SMG6: variants seen among roughly 807,000 people sequenced by gnomAD.
SMG6 encodes telomerase-binding protein EST1A.
SMG6 carries 66 observed loss-of-function variants against 142.2 expected under a neutral mutation model. That is an observed-to-expected ratio of 0.46 (90% CI 0.38 to 0.57). SMG6 has a LOEUF of 0.57. Among genes scored for constraint, SMG6 ranks in the 20% least tolerant of loss-of-function variants. The pLI is 0.00. For missense variants in SMG6, 1,793 were observed against 1,832.0 expected, an observed-to-expected ratio of 0.98 and a Z score of 0.39; for synonymous variants, 779 against 702.4, an observed-to-expected ratio of 1.11 and a Z score of -1.72.
At chr17:2,171,382 T>TAC in intron 13 of SMG6, among the ~76,000 whole-genome samples, 1 of 149,134 alleles carries the variant, frequency 6.7e-6, no homozygotes, top group East Asian at 1.9e-4. Flanking sequence ...TGTGTGTGTG[T>TAC]ACTATAAATT....
chr17:2,190,729 G>A (rs1439372390), intron 10 of SMG6, among the ~76,000 whole-genome samples: 1 of 151,898 alleles, frequency 6.6e-6, no homozygotes, highest in Non-Finnish European at 1.5e-5. Flanking sequence ...TCCCAGGGCA[G>A]CAGCTAGAAG....
At chr17:2,082,084 C>T in intron 14 of SMG6, 128 bp from the exon 15 acceptor site, 1 of 936,410 alleles carries the variant, frequency 1.1e-6, no homozygotes, top group Non-Finnish European at 1.6e-6. Context: ...GCAAAGGGTC[C>T]CCTGGTGTGT....
intron 6 of SMG6, among the ~76,000 whole-genome samples, chr17:2,290,465 T>G (rs753173483): frequency 1.4e-4 from 21 of 152,198 alleles, no homozygotes; most frequent in Non-Finnish European, 2.8e-4. Flanking sequence ...TAACTCAAAA[T>G]GTATTACAGA....
At chr17:2,164,820 C>T (rs761903073) in intron 13 of SMG6, among the ~76,000 whole-genome samples, 2 of 152,036 alleles carry the variant, frequency 1.3e-5, no homozygotes, top group Non-Finnish European at 2.9e-5. Context: ...GCCTGTAGTC[C>T]CAGCTACTCC....
intron 13 of SMG6, among the ~76,000 whole-genome samples, chr17:2,091,819 C>T (rs1285613964): frequency 1.1e-4 from 17 of 149,156 alleles, no homozygotes; most frequent in African/African-American, 2.0e-4. Flanking sequence ...TACAGGCACC[C>T]GCCACCACGC....
At chr17:2,263,364 C>G (rs1302317590) in intron 8 of SMG6, among the ~76,000 whole-genome samples, 1 of 152,084 alleles carries the variant, frequency 6.6e-6, no homozygotes, top group Non-Finnish European at 1.5e-5. Context: ...CACTCAAGTA[C>G]AAATCAGTAA....
intron 13 of SMG6, among the ~76,000 whole-genome samples, chr17:2,133,805 A>G (rs958234383): frequency 1.3e-5 from 2 of 152,220 alleles, no homozygotes; most frequent in African/African-American, 4.8e-5. Flanking sequence ...ACTTTTACGT[A>G]AAACCTTGAA....
At chr17:2,112,463 G>A (rs570567954) in intron 13 of SMG6, among the ~76,000 whole-genome samples, 24 of 151,150 alleles carry the variant, frequency 1.6e-4, no homozygotes, top group East Asian at 7.8e-4. Flanking sequence ...AGCCGAGATC[G>A]TGCCACTGCA....
At chr17:2,232,679 G>C (rs1274685607) in intron 10 of SMG6, 1 of 152,098 alleles carries the variant, frequency 6.6e-6, no homozygotes, top group Non-Finnish European at 1.5e-5. Context: ...ACTCTGCATA[G>C]GGCCCAACCG....
At chr17:2,248,549 C>G (rs565827250) in intron 8 of SMG6, among the ~76,000 whole-genome samples, 1 of 152,146 alleles carries the variant, frequency 6.6e-6, no homozygotes, top group African/African-American at 2.4e-5. Context: ...TTGCCACTAC[C>G]GTATTTTAAC....
intron 10 of SMG6, among the ~76,000 whole-genome samples, chr17:2,234,421 G>A (rs1241746529): frequency 3.3e-5 from 5 of 150,454 alleles, no homozygotes; most frequent in African/African-American, 7.3e-5. Context: ...ACCACCAAGC[G>A]CAGCTAATTT....
chr17:2,238,218 TGG>T (rs914924526), intron 9 of SMG6, among the ~76,000 whole-genome samples: 3 of 152,234 alleles, frequency 2.0e-5, no homozygotes, highest in Non-Finnish European at 2.9e-5. Flanking sequence ...GCCACAGTTA[TGG>T]GTCAATTACA....
chr17:2,250,425 T>C, intron 8 of SMG6, among the ~76,000 whole-genome samples: 1 of 151,874 alleles, frequency 6.6e-6, no homozygotes, highest in East Asian at 1.9e-4. Flanking sequence ...TCTCACTCTG[T>C]CACCCAGACT....
chr17:2,268,959 C>A (rs1307719802), intron 8 of SMG6, among the ~76,000 whole-genome samples: 1 of 148,470 alleles, frequency 6.7e-6, no homozygotes, highest in East Asian at 2.0e-4. Flanking sequence ...AATCCCAGCA[C>A]TTTGGGAGGC....
At chr17:2,173,845 C>CTTTTTT (rs35215989) in intron 12 of SMG6, among the ~76,000 whole-genome samples, 1 of 74,804 alleles carries the variant, frequency 1.3e-5, no homozygotes, top group African/African-American at 5.1e-5. Context: ...ATCCATAAAG[C>CTTTTTT]TTTTTTTTTT....
intron 10 of SMG6, among the ~76,000 whole-genome samples, chr17:2,212,897 T>A (rs1187270157): frequency 6.6e-6 from 1 of 152,250 alleles, no homozygotes; most frequent in South Asian, 2.1e-4. Context: ...CTGCATGCAA[T>A]GCTCAGGGCA....
At chr17:2,086,044 AG>A in intron 13 of SMG6, 143 bp from the exon 14 acceptor site, 1 of 787,738 alleles carries the variant, frequency 1.3e-6, no homozygotes, top group East Asian at 2.5e-5. Flanking sequence ...CGGGGTGCGG[AG>A]GGCACAAGGG....
intron 4 of SMG6, 147 bp from the exon 5 acceptor site, chr17:2,293,124 A>C: frequency 3.3e-6 from 2 of 614,246 alleles, no homozygotes. Flanking sequence ...CCTAAACCTG[A>C]CTACCAAAAA....
At chr17:2,134,508 A>G (rs1286486012) in intron 13 of SMG6, among the ~76,000 whole-genome samples, 2 of 151,496 alleles carry the variant, frequency 1.3e-5, no homozygotes, top group Non-Finnish European at 2.9e-5. Flanking sequence ...TGATAGCACT[A>G]CGGAAAATGC....
Sources: allele counts gnomAD v4.1 joint callset (sites outside exome capture counted in the v4.1 genomes callset), GRCh38; gene constraint gnomAD v4.1.1; transcripts MANE v1.5; gene names NCBI Gene and HGNC (gene_info 2026-07-23, HGNC 2026-07-21).